SHANK2: variants seen among roughly 807,000 people sequenced by gnomAD.
SHANK2 encodes the protein SH3 and multiple ankyrin repeat domains protein 2.
In SHANK2, 43 loss-of-function variants were observed where a neutral mutation model predicts 133.7. The ratio of observed to expected loss-of-function variants is 0.32; its 90% CI spans 0.25 to 0.41. SHANK2 has a LOEUF of 0.41. SHANK2 is among the 10% of genes least tolerant of loss of function. The pLI is 1.00. For synonymous variants in SHANK2, 1,017 were observed against 952.8 expected (o/e 1.07, Z -1.24); for missense variants, 1,994 against 2,235.8 (o/e 0.89, Z 2.18).
At chr11:71,183,728 A>G (rs1953610988) in intron 2 of SHANK2, among the ~76,000 whole-genome samples, 1 of 152,140 alleles carries the variant, frequency 6.6e-6, no homozygotes, top group Admixed American at 6.5e-5. Context: ...CCCACCCAGC[A>G]TGCTGGGAAA....
chr11:71,156,102 C>G (rs1207255801), intron 2 of SHANK2, among the ~76,000 whole-genome samples: 9 of 152,152 alleles, frequency 5.9e-5, no homozygotes, highest in Non-Finnish European at 1.2e-4. Context: ...AGCGAGACCT[C>G]AGGAGGACCC....
In SHANK2 at chr11:70,932,148, GT is replaced by G. The variant is rs368204096; in HGVS notation, c.1108-35582del. 2.2e-4 allele frequency among the ~76,000 whole-genome samples: 33 copies of G among 152,312 alleles called. 1 individual carries two copies. Among genetic ancestry groups the G allele is most frequent in the African/African-American group, 7.7e-4 (32 of 41,568 alleles). On this transcript the variant is annotated intron_variant, in intron 10 of 25. Coordinates refer to ENST00000601538, the MANE Select transcript of SHANK2 (RefSeq NM_012309.5). ...AAAGAAAACATTTTGTAGACATCTG[GT>G]TCTGGACAAAAGTGTTGCTTCTGCC...
intron 10 of SHANK2, chr11:70,943,203 A>G (rs962581965): frequency 2.2e-5 from 9 of 418,214 alleles, no homozygotes; most frequent in Admixed American, 7.9e-5. Context: ...ACATGTTCAA[A>G]GGGGTCTGTC....
At chr11:71,170,982 G>A (rs1232112036) in intron 2 of SHANK2, among the ~76,000 whole-genome samples, 1 of 152,202 alleles carries the variant, frequency 6.6e-6, no homozygotes, top group Admixed American at 6.5e-5. Context: ...CACATTCTGG[G>A]GACTGGGCGT....
At chr11:70,880,996 C>G (rs1178395551) in intron 11 of SHANK2, among the ~76,000 whole-genome samples, 5 of 152,200 alleles carry the variant, frequency 3.3e-5, no homozygotes, top group African/African-American at 1.2e-4. Context: ...TTTTGGGCAT[C>G]CCAACCCTGA....
At chr11:70,496,931 G>GGTGC in intron 21 of SHANK2, 1 of 456,510 alleles carries the variant, frequency 2.2e-6, no homozygotes, top group Non-Finnish European at 4.4e-6. Flanking sequence ...TGTCATTGAA[G>GGTGC]GTGCATCCCT....
chr11:70,607,139 G>A (rs782710601), intron 17 of SHANK2, among the ~76,000 whole-genome samples: 2 of 152,162 alleles, frequency 1.3e-5, no homozygotes, highest in South Asian at 2.1e-4. Context: ...GGAAACATCC[G>A]CCTTCCTCCC....
chr11:70,943,384 A>T (rs782184633), intron 10 of SHANK2, among the ~76,000 whole-genome samples: 1 of 152,186 alleles, frequency 6.6e-6, no homozygotes, highest in Non-Finnish European at 1.5e-5. Flanking sequence ...TAGTGTCCTT[A>T]GGTGGAAACT....
intron 17 of SHANK2, among the ~76,000 whole-genome samples, chr11:70,653,446 A>T (rs1307267766): frequency 6.7e-6 from 1 of 149,824 alleles, no homozygotes; most frequent in East Asian, 2.0e-4. Context: ...CCCAAGAAAC[A>T]TATATATTTT....
intron 11 of SHANK2, among the ~76,000 whole-genome samples, chr11:70,829,492 G>A (rs1004875897): frequency 6.6e-6 from 1 of 152,084 alleles, no homozygotes; most frequent in Admixed American, 6.5e-5. Context: ...CACCCCTGGG[G>A]TCCCTCTGCC....
intron 3 of SHANK2, among the ~76,000 whole-genome samples, chr11:71,122,442 A>G (rs558998879): frequency 6.6e-6 from 1 of 152,338 alleles, no homozygotes; most frequent in East Asian, 1.9e-4. Flanking sequence ...TGGGAATTGA[A>G]CAATGAGAAC....
At chr11:70,771,333 A>G (rs1486788064) in intron 14 of SHANK2, among the ~76,000 whole-genome samples, 1 of 152,186 alleles carries the variant, frequency 6.6e-6, no homozygotes, top group Non-Finnish European at 1.5e-5. Context: ...TTGTGACCAC[A>G]TGCACAAGTG....
intron 4 of SHANK2, among the ~76,000 whole-genome samples, chr11:71,116,776 C>A (rs1490988624): frequency 6.6e-6 from 1 of 152,116 alleles, no homozygotes; most frequent in Non-Finnish European, 1.5e-5. Context: ...TGGCCTGGAG[C>A]CCTCCCCATG....
intron 11 of SHANK2, among the ~76,000 whole-genome samples, chr11:70,834,076 T>C (rs1238484962): frequency 1.3e-5 from 2 of 152,250 alleles, no homozygotes; most frequent in Non-Finnish European, 2.9e-5. Context: ...AATAAAATGT[T>C]GGGATGTAGG....
intron 14 of SHANK2, among the ~76,000 whole-genome samples, chr11:70,786,817 G>A (rs1181864487): frequency 6.6e-6 from 1 of 152,134 alleles, no homozygotes; most frequent in African/African-American, 2.4e-5. Flanking sequence ...GACTTGACTA[G>A]CATCATCCCT....
intron 11 of SHANK2, among the ~76,000 whole-genome samples, chr11:70,848,029 C>T (rs545049515): frequency 1.3e-5 from 2 of 152,344 alleles, no homozygotes; most frequent in South Asian, 4.1e-4. Context: ...ATGGCAATGC[C>T]TGCGGTAGGA....
intron 14 of SHANK2, among the ~76,000 whole-genome samples, chr11:70,776,130 T>G (rs1947360982): frequency 6.6e-6 from 1 of 152,260 alleles, no homozygotes. Context: ...ATCTGACAGA[T>G]GGCACATCAG....
intron 11 of SHANK2, among the ~76,000 whole-genome samples, chr11:70,883,420 C>CA (rs1949688114): frequency 6.6e-6 from 1 of 152,148 alleles, no homozygotes; most frequent in Non-Finnish European, 1.5e-5. Flanking sequence ...AACCAACAGC[C>CA]AAAAGTCCAG....
chr11:71,249,725 G>A (rs782599221), intron 1 of SHANK2, among the ~76,000 whole-genome samples: 5 of 152,208 alleles, frequency 3.3e-5, no homozygotes, highest in Non-Finnish European at 5.9e-5. Context: ...ACTCTGTTAC[G>A]TATTTGGAAG....
Sources: gnomAD v4.1 joint callset for allele counts (sites outside exome capture counted in the v4.1 genomes callset) on GRCh38, gnomAD v4.1.1 for gene constraint, MANE v1.5 for transcripts, NCBI Gene and HGNC (gene_info 2026-07-23, HGNC 2026-07-21) for gene names.